Variants in FAT3 observed in about 807,000 individuals in gnomAD.
The protein encoded by FAT3 is FAT atypical cadherin 3, also known as protocadherin Fat 3.
Under a neutral mutation model 310.2 loss-of-function variants are expected in FAT3, and 95 were observed. The ratio of observed to expected loss-of-function variants is 0.31; its 90% CI spans 0.26 to 0.36. The LOEUF (loss-of-function observed/expected upper bound fraction) is 0.36, where lower values mean the gene tolerates loss of function less well. Ranked by LOEUF, FAT3 falls within the 10% of genes least tolerant of loss-of-function variation. The probability of loss-of-function intolerance (pLI) is 1.00; values close to 1 mark genes in which losing one functional copy is unlikely to be tolerated. For synonymous variants in FAT3, 2,314 were observed against 2,192.9 expected, an observed-to-expected ratio of 1.06 and a Z score of -1.54; for missense variants, 5,408 against 5,715.6, an observed-to-expected ratio of 0.95 and a Z score of 1.74.
At chr11:92,581,213 A>T (rs113780444) in intron 3 of FAT3, among the ~76,000 whole-genome samples, 40 of 152,094 alleles carry the variant, frequency 2.6e-4, no homozygotes, top group African/African-American at 9.4e-4. Context: ...TTAAAGGGAG[A>T]GGAATTATGG....
intron 3 of FAT3, among the ~76,000 whole-genome samples, chr11:92,551,912 A>G (rs1387145554): frequency 6.6e-6 from 1 of 152,254 alleles, no homozygotes; most frequent in Non-Finnish European, 1.5e-5. Context: ...ATAATGTTTT[A>G]TACTAGAGCA....
At chr11:92,315,914 A>C (rs1474099793) in intron 1 of FAT3, among the ~76,000 whole-genome samples, 1 of 152,160 alleles carries the variant, frequency 6.6e-6, no homozygotes, top group Non-Finnish European at 1.5e-5. Context: ...GTCTTCATAC[A>C]TAATGAATAT....
intron 1 of FAT3, among the ~76,000 whole-genome samples, chr11:92,288,970 C>A (rs1039090285): frequency 7.9e-5 from 12 of 152,140 alleles, no homozygotes; most frequent in Admixed American, 7.9e-4. Flanking sequence ...GCTGACAACA[C>A]CACCTCAGAA....
rs1204061797 is a variant in FAT3, at chr11:92,225,130, G to T, written c.-62G>T. On this transcript the variant is annotated 5_prime_UTR_variant, in exon 1 of 28. Transcript: ENST00000525166. ...CCGAGCACCGGGTGAAGAAGACCAC[G>T]GGGGAGGCGCCTCGTAGAGCCGTGG... 6.6e-6 allele frequency among the ~76,000 whole-genome samples: 1 copy of T among 152,148 alleles called. No individual in the cohort carries two copies. The highest frequency in any genetic ancestry group is 1.9e-4 in the East Asian group (1 of 5,152).
At chr11:92,742,318 A>G (rs1174124551) in intron 4 of FAT3, among the ~76,000 whole-genome samples, 1 of 152,228 alleles carries the variant, frequency 6.6e-6, no homozygotes, top group Non-Finnish European at 1.5e-5. Flanking sequence ...TATAAGAACT[A>G]CAGGAGTAGG....
At chr11:92,593,682 T>G (rs1939556254) in intron 3 of FAT3, among the ~76,000 whole-genome samples, 1 of 152,250 alleles carries the variant, frequency 6.6e-6, no homozygotes, top group Admixed American at 6.5e-5. Flanking sequence ...AGCACTGACC[T>G]TGTTGCAAAA....
At chr11:92,542,190 G>C (rs955256509) in intron 3 of FAT3, among the ~76,000 whole-genome samples, 1 of 151,832 alleles carries the variant, frequency 6.6e-6, no homozygotes, top group Non-Finnish European at 1.5e-5. Flanking sequence ...AATAAACTCA[G>C]GATGGATTAA....
intron 13 of FAT3, among the ~76,000 whole-genome samples, chr11:92,810,938 T>C (rs879467543): frequency 9.2e-5 from 14 of 152,220 alleles, no homozygotes; most frequent in Non-Finnish European, 1.9e-4. Context: ...AGTGTCATAT[T>C]GCTTAATTCT....
intron 19 of FAT3, among the ~76,000 whole-genome samples, chr11:92,854,622 A>G (rs558304500): frequency 6.6e-6 from 1 of 152,258 alleles, no homozygotes; most frequent in Non-Finnish European, 1.5e-5. Flanking sequence ...TGAAATACAG[A>G]GTTTAATTTT....
chr11:92,272,848 G>C (rs1946164312), intron 1 of FAT3, among the ~76,000 whole-genome samples: 1 of 152,068 alleles, frequency 6.6e-6, no homozygotes, highest in Non-Finnish European at 1.5e-5. Context: ...AAGAACTGTT[G>C]AGCAAAATAA....
intron 22 of FAT3, among the ~76,000 whole-genome samples, chr11:92,872,809 T>C (rs1949422344): frequency 6.6e-6 from 1 of 152,234 alleles, no homozygotes; most frequent in Non-Finnish European, 1.5e-5. Flanking sequence ...AGGTTTTGAA[T>C]GTACCCTGTT....
chr11:92,246,354 G>A (rs987915552), intron 1 of FAT3, among the ~76,000 whole-genome samples: 1 of 152,072 alleles, frequency 6.6e-6, no homozygotes, highest in African/African-American at 2.4e-5. Flanking sequence ...CCTGAGTGGT[G>A]CCCCATGAGT....
intron 4 of FAT3, among the ~76,000 whole-genome samples, chr11:92,755,102 A>G (rs186011977): frequency 4.9e-4 from 75 of 152,334 alleles, no homozygotes; most frequent in Non-Finnish European, 9.8e-4. Context: ...ATCAAAGGAT[A>G]CGAAATTTCA....
chr11:92,819,949 C>A (rs1306555136), intron 13 of FAT3, among the ~76,000 whole-genome samples: 4 of 152,104 alleles, frequency 2.6e-5, no homozygotes, highest in Non-Finnish European at 1.5e-5. Context: ...TCTAAGATAA[C>A]CCCAGTGATT....
At chr11:92,828,059 T>C (rs1463937797) in intron 13 of FAT3, among the ~76,000 whole-genome samples, 1 of 152,078 alleles carries the variant, frequency 6.6e-6, no homozygotes. Context: ...TATACCTTAA[T>C]GTAACACATC....
At chr11:92,702,823 C>T (rs921444449) in intron 4 of FAT3, among the ~76,000 whole-genome samples, 2 of 152,048 alleles carry the variant, frequency 1.3e-5, no homozygotes, top group Non-Finnish European at 2.9e-5. Flanking sequence ...TGATAAAAGT[C>T]TCCCAAAGAG....
rs970655204 is a variant in FAT3 at position 92,679,608 on chromosome 11, C to T, written c.3608-17776C>T. 4.6e-5 allele frequency among the ~76,000 whole-genome samples: 7 copies of T among 151,726 alleles called. No homozygotes were observed. The South Asian group carries it at 6.2e-4, about 14-fold the overall frequency. On this transcript the variant is annotated intron_variant, in intron 3 of 27. Coordinates refer to ENST00000525166, the MANE Select transcript of FAT3 (RefSeq NM_001367949.2). ...CTGTAATCCCAGAACTTTGGGAGTC[C>T]GAGGTGGGCGGATCATGAGGTCAAG...
intron 14 of FAT3, among the ~76,000 whole-genome samples, chr11:92,833,157 T>C (rs1342125777): frequency 6.6e-6 from 1 of 152,194 alleles, no homozygotes; most frequent in Non-Finnish European, 1.5e-5. Flanking sequence ...AACATACTCA[T>C]CCTTGTATTT....
chr11:92,779,343 A>C (rs780975642), intron 7 of FAT3, among the ~76,000 whole-genome samples: 1 of 152,200 alleles, frequency 6.6e-6, no homozygotes, highest in Non-Finnish European at 1.5e-5. Context: ...TCCTCATAGA[A>C]ATGGATAATT....
Sources: gnomAD v4.1 joint callset for allele counts (sites outside exome capture counted in the v4.1 genomes callset) on GRCh38, gnomAD v4.1.1 for gene constraint, MANE v1.5 for transcripts, NCBI Gene and HGNC (gene_info 2026-07-23, HGNC 2026-07-21) for gene names.